DBT: variants seen among roughly 807,000 people sequenced by gnomAD.
DBT encodes the protein dihydrolipoamide branched chain transacylase E2, also known as lipoamide acyltransferase component of branched-chain alpha-keto acid dehydrogenase complex, mitochondrial.
Under a neutral mutation model 51.3 loss-of-function variants are expected in DBT, and 40 were observed. The observed-to-expected ratio is 0.78, with a 90% confidence interval of 0.61 to 1.02. DBT has a LOEUF of 1.02. Ranked by LOEUF, DBT falls within the 50% of genes least tolerant of loss-of-function variation. The pLI is 0.00. For missense variants in DBT, 510 were observed against 580.2 expected (o/e 0.88, Z 1.24); for synonymous variants, 181 against 190.4 (o/e 0.95, Z 0.41).
At chr1:100,226,132 G>C (rs1486452233) in intron 4 of DBT, among the ~76,000 whole-genome samples, 2 of 151,958 alleles carry the variant, frequency 1.3e-5, no homozygotes, top group Admixed American at 6.6e-5. Context: ...GACATCCATA[G>C]TACTGTTCAG....
chr1:100,235,843 AG>A (rs1333818265), intron 2 of DBT, among the ~76,000 whole-genome samples: 1 of 152,220 alleles, frequency 6.6e-6, no homozygotes, highest in Non-Finnish European at 1.5e-5. Context: ...AATAGAACAA[AG>A]ATATACAAAG....
intron 3 of DBT, 47 bp from the exon 4 acceptor site, chr1:100,230,961 A>G (rs375053978): frequency 1.6e-5 from 18 of 1,135,344 alleles, no homozygotes; most frequent in Non-Finnish European, 2.4e-5. Flanking sequence ...AGTCATAAGT[A>G]CAGATCATAT....
At chr1:100,199,426 G>T (rs1451481631) in intron 10 of DBT, among the ~76,000 whole-genome samples, 2 of 152,290 alleles carry the variant, frequency 1.3e-5, no homozygotes, top group East Asian at 3.9e-4. Flanking sequence ...TTTGATAGAA[G>T]TAGATTGGCT....
intron 7 of DBT, among the ~76,000 whole-genome samples, chr1:100,214,027 C>T (rs560353663): frequency 6.6e-6 from 1 of 151,688 alleles, no homozygotes; most frequent in African/African-American, 2.4e-5. Flanking sequence ...AGCTGCTGCA[C>T]AGTCACTAAT....
chr1:100,226,452 T>G (rs552565969), intron 4 of DBT, among the ~76,000 whole-genome samples: 1 of 152,112 alleles, frequency 6.6e-6, no homozygotes, highest in Non-Finnish European at 1.5e-5. Flanking sequence ...CCTGGCTATT[T>G]TTTTTTATTT....
intron 2 of DBT, among the ~76,000 whole-genome samples, chr1:100,237,310 A>G (rs1429134618): frequency 6.6e-6 from 1 of 152,158 alleles, no homozygotes; most frequent in Admixed American, 6.5e-5. Flanking sequence ...TTTCCAGCCC[A>G]TATGATCCTC....
intron 4 of DBT, among the ~76,000 whole-genome samples, chr1:100,219,736 G>A (rs1349228893): frequency 1.3e-5 from 2 of 152,020 alleles, no homozygotes; most frequent in South Asian, 2.1e-4. Flanking sequence ...GTGAAAAAGT[G>A]AGACCCAGTC....
chr1:100,239,692 A>G (rs1268045896), intron 2 of DBT, among the ~76,000 whole-genome samples: 1 of 151,978 alleles, frequency 6.6e-6, no homozygotes, highest in Non-Finnish European at 1.5e-5. Context: ...GCACTGTGAC[A>G]ACATCCTGAT....
At chr1:100,231,330 T>C (rs937935589) in intron 3 of DBT, among the ~76,000 whole-genome samples, 2 of 152,246 alleles carry the variant, frequency 1.3e-5, no homozygotes, top group African/African-American at 4.8e-5. Flanking sequence ...ATATCCTTTG[T>C]AATTTCATGA....
chr1:100,223,525 G>A (rs367898765), intron 4 of DBT, among the ~76,000 whole-genome samples: 1 of 152,138 alleles, frequency 6.6e-6, no homozygotes, highest in South Asian at 2.1e-4. Flanking sequence ...GGAATGCAGT[G>A]GCACAAGCAT....
rs1553231586 is a variant in DBT, at chr1:100,225,043, A to AATATATG, written c.433+5689_433+5690insCATATAT. Among the ~76,000 whole-genome samples, 130 of 43,018 alleles carry AATATATG rather than the reference A, an allele frequency of 3.0e-3. 12 individuals are homozygous for AATATATG. Among genetic ancestry groups the AATATATG allele is most frequent in the South Asian group, 4.3e-3 (5 of 1,152 alleles). 28.2% of individuals were successfully genotyped at this position (43,018 alleles called of 152,430 possible). On this transcript the variant is annotated intron_variant, in intron 4 of 10. Coordinates refer to ENST00000370132, the MANE Select transcript of DBT (RefSeq NM_001918.5). ...CCCCCAAAAAAAAAAAAAAAAAAAA[A>AATATATG]TATATATATACACACACACACACAC...
At chr1:100,230,354 G>A (rs1160944677) in intron 4 of DBT, among the ~76,000 whole-genome samples, 5 of 151,968 alleles carry the variant, frequency 3.3e-5, no homozygotes, top group Admixed American at 1.3e-4. Flanking sequence ...ATCCCCACCC[G>A]TTCTTACCCC....
rs1394827602 is a variant in DBT, at chr1:100,190,770, T to C, written c.*5485A>G. 1 of 152,158 alleles carries C rather than the reference T, an allele frequency of 6.6e-6. No individual in the cohort carries two copies. The highest frequency in any genetic ancestry group is 1.9e-4 in the East Asian group (1 of 5,200). 9.4% of individuals were successfully genotyped at this position (152,158 alleles called of 1,614,324 possible). The stretch of plus-strand genomic sequence containing the variant: ...ATTTTGAGGTGAAAAGGAGAGAAAT[T>C]CAAGGTTCTTAGATTGAATCACTTT... On this transcript the variant is annotated 3_prime_UTR_variant, in exon 11 of 11. Coordinates refer to ENST00000370132, the MANE Select transcript of DBT (RefSeq NM_001918.5).
At chr1:100,247,659 AC>A (rs1239783034) in intron 1 of DBT, among the ~76,000 whole-genome samples, 1 of 143,060 alleles carries the variant, frequency 7.0e-6, no homozygotes. Context: ...AGATTGCACC[AC>A]TGCACTCCAG....
chr1:100,246,037 G>A (rs186550674), intron 1 of DBT, among the ~76,000 whole-genome samples: 102 of 152,292 alleles, frequency 6.7e-4, no homozygotes, highest in Middle Eastern at 3.4e-3. Context: ...ACTGAGGCAG[G>A]TGGATCACGA....
chr1:100,199,378 G>C (rs1661299877), intron 10 of DBT, among the ~76,000 whole-genome samples: 1 of 152,040 alleles, frequency 6.6e-6, no homozygotes, highest in African/African-American at 2.4e-5. Flanking sequence ...TTTTCAATTG[G>C]TTTTCTATTA....
In DBT at chr1:100,220,905, T is replaced by C. The variant is rs542503074; in HGVS notation, c.434-2158A>G. ...TCAGAATCTCTGTATATTCTCTACA[T>C]CTGTTAAAGTCATTGGAGAAATGAG... On this transcript the variant is annotated intron_variant, in intron 4 of 10. Coordinates refer to ENST00000370132, the MANE Select transcript of DBT (RefSeq NM_001918.5). Among the ~76,000 whole-genome samples, 28 of 152,318 alleles carry C rather than the reference T, an allele frequency of 1.8e-4. No individual in the cohort carries two copies. The East Asian group carries it at 2.3e-3, about 13-fold the overall frequency.
rs1307037718 is a variant in DBT at position 100,192,626 on chromosome 1, AAG to A, written c.*3627_*3628del. 6.6e-6 allele frequency: 1 copy of A among 152,184 alleles called. No homozygotes were observed. The highest frequency in any genetic ancestry group is 1.9e-4 in the East Asian group (1 of 5,192). The allele number at this position is 152,184 out of a possible 1,614,324, so 9.4% of individuals were successfully genotyped here. ...AACAAGCCAGTGGGCTTTCCAGACT[AAG>A]AGCTATCACTTTCACTCTTTCTACA... On this transcript the variant is annotated 3_prime_UTR_variant, in exon 11 of 11. Transcript: ENST00000370132.
intron 5 of DBT, among the ~76,000 whole-genome samples, chr1:100,217,833 A>G (rs544043559): frequency 1.3e-5 from 2 of 152,330 alleles, no homozygotes; most frequent in East Asian, 3.9e-4. Context: ...TGCTCAAATA[A>G]TGGAGGCAAT....
Sources: gnomAD v4.1 joint callset for allele counts (sites outside exome capture counted in the v4.1 genomes callset) on GRCh38, gnomAD v4.1.1 for gene constraint, MANE v1.5 for transcripts, NCBI Gene and HGNC (gene_info 2026-07-23, HGNC 2026-07-21) for gene names.